Variants in STK25 observed in about 807,000 individuals in gnomAD.
STK25 encodes serine/threonine-protein kinase 25.
A neutral mutation model predicts 53.8 loss-of-function variants in STK25; 29 were observed. The observed-to-expected ratio is 0.54, with a 90% CI of 0.40 to 0.74. STK25 has a LOEUF of 0.74. STK25 is among the 30% of genes least tolerant of loss of function. The probability of loss-of-function intolerance (pLI) is 0.00; values close to 1 mark genes in which losing one functional copy is unlikely to be tolerated. For missense variants in STK25, 420 were observed against 568.0 expected (o/e 0.74, Z 2.65); for synonymous variants, 247 against 238.3 (o/e 1.04, Z -0.33).
Position 241,496,361 on chromosome 2 carries a change from G to A in STK25, c.1241+37C>T. The A allele has an allele frequency of 1.3e-6, 2 of 1,591,518 alleles. No individual in the cohort carries two copies. Among genetic ancestry groups the A allele is most frequent in the South Asian group, 1.1e-5 (1 of 90,352 alleles). ...ACCCCACGTCCAGCTTCTTGGTGGGGGTGCTCTCCCCGACCCTATGGCACG... is the reference window on the plus strand; with the variant it reads ...ACCCCACGTCCAGCTTCTTGGTGGGAGTGCTCTCCCCGACCCTATGGCACG... On this transcript the variant is annotated intron_variant, in intron 11 of 11. Coordinates refer to ENST00000316586, the MANE Select transcript of STK25 (RefSeq NM_001271977.2). The surrounding 1 kb of genome is among the most constrained non-coding windows in gnomAD (Gnocchi z 5.8).
At chr2:241,499,944 T>C (rs1314023278) in intron 5 of STK25, 1 of 637,370 alleles carries the variant, frequency 1.6e-6, no homozygotes, top group East Asian at 3.0e-5. Flanking sequence ...GTGTGGCCCT[T>C]TCCTACACTC....
At position 241,493,462 on chromosome 2, in the gene STK25, A is replaced by C; in HGVS notation, c.*2200T>G. 6.2e-7 allele frequency: 1 copy of C among 1,612,332 alleles called. No homozygotes were observed. Among genetic ancestry groups the C allele is most frequent in the Non-Finnish European group, 8.5e-7 (1 of 1,178,816 alleles). On this transcript the variant is annotated 3_prime_UTR_variant, in exon 12 of 12. Transcript: ENST00000316586. ...TTTGAAAGGTAATTTTGCAGGAGGCAGCCCTGGTCAGCTGCCCATTTCGAT... is the reference window on the plus strand; with the variant it reads ...TTTGAAAGGTAATTTTGCAGGAGGCCGCCCTGGTCAGCTGCCCATTTCGAT...
Position 241,493,512 on chromosome 2 carries a change from C to A in STK25, c.*2150G>T. On this transcript the variant is annotated 3_prime_UTR_variant, in exon 12 of 12. Transcript: ENST00000316586. ...TGTCCGCTCAGCTCCCATTTCTACTCATGGTGGTGGAGGCAAGTTTTCTGG... is the reference window on the plus strand; with the variant it reads ...TGTCCGCTCAGCTCCCATTTCTACTAATGGTGGTGGAGGCAAGTTTTCTGG... The A allele has an allele frequency of 2.0e-6, 3 of 1,510,590 alleles. No individual in the cohort carries two copies. Among genetic ancestry groups the A allele is most frequent in the Non-Finnish European group, 2.8e-6 (3 of 1,090,836 alleles). The allele number at this position is 1,510,590 out of a possible 1,614,324, so 93.6% of individuals were successfully genotyped here.
At chr2:241,495,812 G>A (rs1051785459) in intron 11 of STK25, 111 bp from the exon 12 acceptor site, 34 of 1,134,698 alleles carry the variant, frequency 3.0e-5, no homozygotes, top group South Asian at 1.3e-4. Flanking sequence ...ACCGCACCAC[G>A]TGGGTCTGAA....
chr2:241,494,247 C>A lies in STK25; in HGVS notation c.*1415G>T. The A allele has an allele frequency of 1.9e-6, 1 of 522,460 alleles. No individual in the cohort carries two copies. Among genetic ancestry groups the A allele is most frequent in the Non-Finnish European group, 3.2e-6 (1 of 310,062 alleles). 32.4% of individuals were successfully genotyped at this position (522,460 alleles called of 1,614,324 possible). A position where few individuals can be genotyped will look rare whatever the true frequency, so the allele number is the denominator to read the frequency against. ...TGGTCTCACTGGATCCCCACTGGCA[C>A]CAGCAGTGTGGGTGGGCCTCATGTA... is the stretch of plus-strand genomic sequence containing the variant. On this transcript the variant is annotated 3_prime_UTR_variant, in exon 12 of 12. Transcript: ENST00000316586. This position sits in a 1 kb window ranked among gnomAD's most constrained non-coding sequence, Gnocchi z 4.9.
chr2:241,500,919 C>A, intron 3 of STK25, 123 bp from the exon 4 acceptor site: 1 of 902,578 alleles, frequency 1.1e-6, no homozygotes, highest in Non-Finnish European at 1.7e-6. Context: ...TGCCAAGAAC[C>A]CTGAACAGGA....
chr2:241,498,102 T>A, intron 9 of STK25, 133 bp downstream of exon 9: 4 of 846,244 alleles, frequency 4.7e-6, no homozygotes, highest in Non-Finnish European at 5.8e-6. Context: ...ACAGTGGGCT[T>A]CAGACCACCC....
chr2:241,500,308 C>A, intron 4 of STK25, 27 bp from the exon 5 acceptor site: 1 of 1,541,182 alleles, frequency 6.5e-7, no homozygotes, highest in Non-Finnish European at 9.0e-7. Flanking sequence ...GACAGCAGGG[C>A]CTCAGCTCCT....
intron 10 of STK25, chr2:241,497,330 G>A (rs912796122): frequency 1.5e-5 from 6 of 387,376 alleles, no homozygotes; most frequent in Non-Finnish European, 2.4e-5. Flanking sequence ...GATGGACCCC[G>A]ACTAAACCTT....
At position 241,508,080 on chromosome 2, in the gene STK25, C is replaced by A; in HGVS notation, c.-45G>T. 1 of 1,575,532 alleles carries A rather than the reference C, an allele frequency of 6.3e-7. No homozygotes were observed. Among genetic ancestry groups the A allele is most frequent in the South Asian group, 1.2e-5 (1 of 85,728 alleles). On this transcript the variant is annotated 5_prime_UTR_variant, in exon 2 of 12. Coordinates refer to ENST00000316586, the MANE Select transcript of STK25 (RefSeq NM_001271977.2). ...CTCCGCCAGCAGCCCCAGGAGGCGT[C>A]TGGATCCCGCGGAGAGGCGCGGAGC...
chr2:241,501,669 C>G lies in STK25; in HGVS notation c.70G>C (p.Asp24His). 1 of 1,613,934 alleles carries G rather than the reference C, an allele frequency of 6.2e-7. No homozygotes were observed. The highest frequency in any genetic ancestry group is 8.5e-7 in the Non-Finnish European group (1 of 1,180,008). Reference sequence around the variant, plus strand: ...CCAAACGAGCCCTTGCCAATGCGGTCGAGCTTGGTGAAGAGCTCCTCAGGG... The same window carrying G: ...CCAAACGAGCCCTTGCCAATGCGGTGGAGCTTGGTGAAGAGCTCCTCAGGG... ...VDPEELFTKL[D>H]RIGKGSFGEV... is the part of the protein sequence containing the mutation. Residue 24 changes from aspartate (D) to histidine (H), a missense_variant, in exon 3 of 12, where the codon GAC (aspartate) becomes CAC (histidine). By Grantham distance (81) the Asp-to-His change is moderately conservative. Transcript: ENST00000316586. The surrounding 1 kb of genome is among the most constrained non-coding windows in gnomAD (Gnocchi z 5.3).
chr2:241,509,061 G>A (rs2066024487), upstream of STK25, among the ~76,000 whole-genome samples: 1 of 152,232 alleles, frequency 6.6e-6, no homozygotes, highest in South Asian at 2.1e-4. Context: ...GTCACGGCAC[G>A]GAGATAAGCC....
intron 2 of STK25, among the ~76,000 whole-genome samples, chr2:241,507,533 C>A (rs1424036511): frequency 6.6e-6 from 1 of 152,262 alleles, no homozygotes. Context: ...CCACTCAGAT[C>A]TGCTTCTCCA....
chr2:241,508,552 G>A lies in STK25; in HGVS notation c.-210C>T. The A allele has an allele frequency of 1.0e-6, 1 of 995,160 alleles. No homozygotes were observed. The highest frequency in any genetic ancestry group is 1.2e-6 in the Non-Finnish European group (1 of 835,640). 61.6% of individuals were successfully genotyped at this position (995,160 alleles called of 1,614,324 possible). The stretch of plus-strand genomic sequence containing the variant: ...GACCCCGGGCCTCCCAGCCCGCGAA[G>A]CAACGGTGGTGGCGGCAGCGACCGG... On this transcript the variant is annotated 5_prime_UTR_variant, in exon 1 of 12. Transcript: ENST00000316586.
Position 241,499,304 on chromosome 2 carries a change from A to T in STK25, c.538T>A (p.Phe180Ile). 3.1e-6 allele frequency: 5 copies of T among 1,614,012 alleles called. No homozygotes were observed. Among genetic ancestry groups the T allele is most frequent in the Non-Finnish European group, 4.2e-6 (5 of 1,179,974 alleles). Residue 180 changes from phenylalanine to isoleucine, a missense_variant, in exon 6 of 12, where the codon TTC (phenylalanine) becomes ATC (isoleucine). Transcript: ENST00000316586. ...TTGATGACCTCAGGTGCCATCCAGAAGGGGGTGCCCACGAATGTGTTCCTC... is the reference window on the plus strand; with the variant it reads ...TTGATGACCTCAGGTGCCATCCAGATGGGGGTGCCCACGAATGTGTTCCTC... The part of the protein sequence containing the change: ...IKRNTFVGTP[F>I]WMAPEVIKQS...
chr2:241,508,287 G>T, intron 1 of STK25, 152 bp from the exon 2 acceptor site: 1 of 1,269,630 alleles, frequency 7.9e-7, no homozygotes, highest in South Asian at 2.5e-5. Context: ...GGCTCCCGGG[G>T]GCTCGCCGCC....
chr2:241,497,641 G>A lies in STK25; in HGVS notation c.1079C>T (p.Thr360Met), dbSNP rs199529145. Residue 360 changes from threonine (T) to methionine (M), a missense_variant, in exon 10 of 12, where the codon ACG becomes ATG. Coordinates refer to ENST00000316586, the MANE Select transcript of STK25 (RefSeq NM_001271977.2). ...KRQPRSQCLS[T>M]LVRPVFGELK... ...CTCTCCGAAGACGGGCCGGACCAGC[G>A]TGGACAGGCACTGGGACCTCGGCTG... 16 of 1,613,518 alleles carry A rather than the reference G, an allele frequency of 9.9e-6. No homozygotes were observed. The highest frequency in any genetic ancestry group is 1.7e-4 in the Middle Eastern group (1 of 6,060).
chr2:241,508,219 G>T (rs1045145870), intron 1 of STK25, 84 bp from the exon 2 acceptor site: 5 of 1,330,330 alleles, frequency 3.8e-6, no homozygotes, highest in Non-Finnish European at 4.8e-6. Flanking sequence ...TGGGTGGGGG[G>T]GGGCCCAGGA....
At chr2:241,503,696 CAAAAAAAA>C (rs60021706) in intron 2 of STK25, among the ~76,000 whole-genome samples, 2 of 100,282 alleles carry the variant, frequency 2.0e-5, no homozygotes, top group Non-Finnish European at 2.1e-5. Flanking sequence ...GACTCCGTCT[CAAAAAAAA>C]AAAAAAAAAA....
Sources: allele counts gnomAD v4.1 joint callset (sites outside exome capture counted in the v4.1 genomes callset), GRCh38; gene constraint gnomAD v4.1.1; non-coding constraint Gnocchi (gnomAD v3.1); transcripts MANE v1.5; gene names NCBI Gene and HGNC (gene_info 2026-07-23, HGNC 2026-07-21).